The following PECAM1 variants were observed in gnomAD, a reference collection of about 807,000 sequenced individuals.
PECAM1 encodes platelet and endothelial cell adhesion molecule 1, also known as platelet endothelial cell adhesion molecule.
Under a neutral mutation model 13.8 loss-of-function variants are expected in PECAM1, and 8 were observed. The ratio of observed to expected loss-of-function variants is 0.58; its 90% CI spans 0.34 to 1.05. PECAM1 has a LOEUF of 1.05. PECAM1 is among the 50% of genes least tolerant of loss of function. The pLI is 0.03. For missense variants in PECAM1, 304 were observed against 141.2 expected (o/e 2.15, Z -5.84); for synonymous variants, 136 against 52.6 (o/e 2.58, Z -6.86).
At chr17:64,361,473 G>A (rs1318524400) in intron 6 of PECAM1, among the ~76,000 whole-genome samples, 1 of 151,544 alleles carries the variant, frequency 6.6e-6, no homozygotes, top group Non-Finnish European at 1.5e-5. Context: ...ATTATTCTCA[G>A]CCAGTCACGG....
chr17:64,335,596 C>A (rs1173062140), intron 14 of PECAM1, among the ~76,000 whole-genome samples: 1 of 152,170 alleles, frequency 6.6e-6, no homozygotes, highest in Non-Finnish European at 1.5e-5. Flanking sequence ...TTCAGCCAGG[C>A]CCCCTGGGTT....
intron 13 of PECAM1, among the ~76,000 whole-genome samples, chr17:64,343,114 G>A (rs2035475568): frequency 6.6e-6 from 1 of 152,102 alleles, no homozygotes; most frequent in East Asian, 1.9e-4. Flanking sequence ...TACAGATGGG[G>A]AAAGGAAGCC....
rs2035656730 is a variant in PECAM1, at chr17:64,349,314, G to A, written c.2045-992C>T. ...GTCAAAGATACATTTCAGGCTGGGT[G>A]TGGTGGCTCATGCCTGTAATCCCAG... On this transcript the variant is annotated intron_variant, in intron 12 of 15. Coordinates refer to ENST00000563924, the MANE Select transcript of PECAM1 (RefSeq NM_000442.5). 2.6e-5 allele frequency among the ~76,000 whole-genome samples: 4 copies of A among 152,214 alleles called. No homozygotes were observed. The South Asian group carries it at 8.3e-4, about 31-fold the overall frequency.
At chr17:64,326,816 C>G (rs1567999474) in intron 15 of PECAM1, among the ~76,000 whole-genome samples, 2 of 152,240 alleles carry the variant, frequency 1.3e-5, no homozygotes, top group Non-Finnish European at 2.9e-5. Context: ...CACCCAAGTG[C>G]AGTTGTGAAA....
chr17:64,327,535 C>T (rs1043106875), intron 15 of PECAM1, among the ~76,000 whole-genome samples: 3 of 152,124 alleles, frequency 2.0e-5, no homozygotes, highest in Non-Finnish European at 2.9e-5. Context: ...AGGGGGGAGG[C>T]GAGCTATAGC....
At chr17:64,364,138 G>A (rs1265737967) in intron 5 of PECAM1, among the ~76,000 whole-genome samples, 1 of 151,958 alleles carries the variant, frequency 6.6e-6, no homozygotes, top group Non-Finnish European at 1.5e-5. Flanking sequence ...ATGATAAAGG[G>A]GATATCATCA....
At chr17:64,325,968 T>C (rs1550792) in intron 15 of PECAM1, among the ~76,000 whole-genome samples, 4,789 of 152,232 alleles carry the variant, frequency 0.031, 93 homozygotes, top group East Asian at 0.072. Flanking sequence ...AACACCACTA[T>C]GAAGTAGAAG....
chr17:64,347,833 T>C (rs112472025), intron 13 of PECAM1, among the ~76,000 whole-genome samples: 131,246 of 149,678 alleles, frequency 0.88, 59,454 homozygotes, highest in East Asian at 1. Context: ...CGGGTTCAAG[T>C]GATTCTCCTG....
chr17:64,326,119 G>A (rs1555645644), intron 15 of PECAM1, among the ~76,000 whole-genome samples: 2 of 152,134 alleles, frequency 1.3e-5, no homozygotes, highest in Admixed American at 6.5e-5. Flanking sequence ...CCCTTGGAGG[G>A]AAAAAGAGCA....
chr17:64,358,128 T>TTTTTTTTTG (rs2035888735), intron 7 of PECAM1, among the ~76,000 whole-genome samples: 1 of 140,584 alleles, frequency 7.1e-6, no homozygotes, highest in Non-Finnish European at 1.5e-5. Context: ...TTTTTTTTTT[T>TTTTTTTTTG]TTTTTTTTGA....
At chr17:64,337,652 A>G (rs1237285394) in intron 14 of PECAM1, among the ~76,000 whole-genome samples, 6 of 135,712 alleles carry the variant, frequency 4.4e-5, no homozygotes, top group African/African-American at 1.7e-4. Flanking sequence ...AAATCCTACA[A>G]GAGTGGGTTC....
intron 6 of PECAM1, 139 bp downstream of exon 6, chr17:64,363,010 C>G (rs2036021216): frequency 1.3e-5 from 6 of 444,458 alleles, no homozygotes; most frequent in Admixed American, 3.6e-5. Context: ...GTTTCTTTGG[C>G]CTTTGATTTC....
At chr17:64,363,779 C>G (rs2036040255) in intron 5 of PECAM1, among the ~76,000 whole-genome samples, 1 of 151,884 alleles carries the variant, frequency 6.6e-6, no homozygotes, top group South Asian at 2.1e-4. Context: ...AACCCCATCT[C>G]TACTAAAAAT....
chr17:64,374,739 G>A (rs1057411723), intron 4 of PECAM1, among the ~76,000 whole-genome samples: 25 of 151,156 alleles, frequency 1.7e-4, no homozygotes, highest in Non-Finnish European at 3.4e-4. Context: ...AGCCAAGATT[G>A]CACCACTGCA....
chr17:64,353,246 G>C (rs1386059378), intron 10 of PECAM1, among the ~76,000 whole-genome samples: 8 of 151,578 alleles, frequency 5.3e-5, no homozygotes, highest in African/African-American at 1.9e-4. Context: ...GGAAGGACAT[G>C]ATCTCAGAAT....
chr17:64,347,074 T>A (rs2035586051), intron 13 of PECAM1, among the ~76,000 whole-genome samples: 2 of 152,152 alleles, frequency 1.3e-5, no homozygotes, highest in African/African-American at 4.8e-5. Flanking sequence ...TCATAACTAA[T>A]AATTATCAAA....
At chr17:64,374,190 T>C (rs2143862658) in intron 4 of PECAM1, among the ~76,000 whole-genome samples, 1 of 152,268 alleles carries the variant, frequency 6.6e-6, no homozygotes, top group Non-Finnish European at 1.5e-5. Flanking sequence ...TCATGGCCAG[T>C]GTTTAAAGAC....
intron 15 of PECAM1, among the ~76,000 whole-genome samples, chr17:64,324,934 A>G (rs2034904073): frequency 6.6e-6 from 1 of 152,186 alleles, no homozygotes; most frequent in Admixed American, 6.5e-5. Flanking sequence ...CTGCCTATGG[A>G]GTAGCCATTC....
At chr17:64,346,644 C>G (rs1445444892) in intron 13 of PECAM1, among the ~76,000 whole-genome samples, 1 of 152,042 alleles carries the variant, frequency 6.6e-6, no homozygotes, top group Admixed American at 6.6e-5. Context: ...CCAGGAGATG[C>G]ATGTTTTTTA....
Sources: gnomAD v4.1 joint callset for allele counts (sites outside exome capture counted in the v4.1 genomes callset) on GRCh38, gnomAD v4.1.1 for gene constraint, MANE v1.5 for transcripts, NCBI Gene and HGNC (gene_info 2026-07-23, HGNC 2026-07-21) for gene names.